GNA12: variants seen among roughly 807,000 people sequenced by gnomAD.
GNA12 encodes G protein subunit alpha 12, also known as guanine nucleotide-binding protein subunit alpha-12.
A neutral mutation model predicts 26.0 loss-of-function variants in GNA12; 9 were observed. The observed-to-expected ratio is 0.35, with a 90% confidence interval of 0.21 to 0.60. GNA12 has a LOEUF of 0.60. Among genes scored for constraint, GNA12 ranks in the 20% least tolerant of loss-of-function variants. GNA12 has a pLI of 0.78. For synonymous variants in GNA12, 264 were observed against 219.6 expected, an observed-to-expected ratio of 1.20 and a Z score of -1.79; for missense variants, 405 against 525.8, an observed-to-expected ratio of 0.77 and a Z score of 2.25.
At chr7:2,773,162 C>T (rs965996707) in intron 2 of GNA12, among the ~76,000 whole-genome samples, 1 of 152,224 alleles carries the variant, frequency 6.6e-6, no homozygotes, top group Non-Finnish European at 1.5e-5. Flanking sequence ...CTGAAATGTT[C>T]TTTCACGTGG....
At position 2,749,629 on chromosome 7, in the gene GNA12, T is replaced by G. The variant is rs192885500; in HGVS notation, c.526-16128A>C. Among the ~76,000 whole-genome samples, 706 of 152,156 alleles carry G rather than the reference T, an allele frequency of 4.6e-3. 8 individuals carry two copies. Among genetic ancestry groups the G allele is most frequent in the African/African-American group, 0.016 (666 of 41,506 alleles). ...ATACATATGTAACAAACCTGCACGTTGTGCACATGTACCCTAGAACTTAAA... is the reference window on the plus strand; with the variant it reads ...ATACATATGTAACAAACCTGCACGTGGTGCACATGTACCCTAGAACTTAAA... On this transcript the variant is annotated intron_variant, in intron 2 of 3. Coordinates refer to ENST00000275364, the MANE Select transcript of GNA12 (RefSeq NM_007353.3).
At chr7:2,830,392 T>G (rs142677596) in intron 1 of GNA12, among the ~76,000 whole-genome samples, 2 of 152,326 alleles carry the variant, frequency 1.3e-5, no homozygotes, top group African/African-American at 4.8e-5. Context: ...GAGTCTGGTT[T>G]TGGGTTTGTA....
At chr7:2,820,361 T>C (rs1284925251) in intron 1 of GNA12, among the ~76,000 whole-genome samples, 3 of 149,876 alleles carry the variant, frequency 2.0e-5, no homozygotes, top group African/African-American at 7.4e-5. Context: ...AGGCTTTAAA[T>C]GAGGGCATGG....
chr7:2,741,541 G>C (rs1253440918), intron 2 of GNA12, among the ~76,000 whole-genome samples: 2 of 152,138 alleles, frequency 1.3e-5, no homozygotes, highest in Non-Finnish European at 1.5e-5. Flanking sequence ...CTTTGTAGTA[G>C]CCAGAACCCA....
At chr7:2,835,272 C>T (rs894090398) in intron 1 of GNA12, among the ~76,000 whole-genome samples, 5 of 152,174 alleles carry the variant, frequency 3.3e-5, no homozygotes, top group African/African-American at 1.2e-4. Context: ...GGCATTATTA[C>T]ACAACTTCGG....
At chr7:2,741,681 C>T (rs541197466) in intron 2 of GNA12, among the ~76,000 whole-genome samples, 2 of 152,012 alleles carry the variant, frequency 1.3e-5, no homozygotes, top group South Asian at 2.1e-4. Context: ...ATCCTTCGCT[C>T]GCTCTCTTTC....
At chr7:2,790,983 A>AG in intron 2 of GNA12, among the ~76,000 whole-genome samples, 1 of 152,174 alleles carries the variant, frequency 6.6e-6, no homozygotes, top group African/African-American at 2.4e-5. Flanking sequence ...TTAAAAAAAA[A>AG]AAAAAAAGGT....
At chr7:2,817,588 G>A (rs1170069454) in intron 1 of GNA12, among the ~76,000 whole-genome samples, 1 of 152,082 alleles carries the variant, frequency 6.6e-6, no homozygotes, top group Non-Finnish European at 1.5e-5. Context: ...CTCATTATTT[G>A]TCCCTAACCT....
chr7:2,743,933 G>A (rs946890991), intron 2 of GNA12, among the ~76,000 whole-genome samples: 1 of 152,088 alleles, frequency 6.6e-6, no homozygotes, highest in South Asian at 2.1e-4. Context: ...TAGCACAGCA[G>A]TCTGAGATCA....
intron 2 of GNA12, among the ~76,000 whole-genome samples, chr7:2,785,336 TTTC>T: frequency 6.6e-6 from 1 of 152,140 alleles, no homozygotes; most frequent in Admixed American, 6.5e-5. Context: ...GTCAGGCAAA[TTTC>T]TTCAAGTCTC....
At chr7:2,814,706 G>A (rs537438459) in intron 1 of GNA12, among the ~76,000 whole-genome samples, 3 of 147,476 alleles carry the variant, frequency 2.0e-5, no homozygotes, top group South Asian at 2.2e-4. Flanking sequence ...ACCAGTCACC[G>A]TCCAGATGTG....
intron 1 of GNA12, among the ~76,000 whole-genome samples, chr7:2,826,161 G>A (rs986878621): frequency 3.9e-5 from 6 of 151,938 alleles, no homozygotes; most frequent in Non-Finnish European, 5.9e-5. Flanking sequence ...GGCAGATCAC[G>A]AGGTCAGGAG....
At chr7:2,835,417 C>T (rs780406373) in intron 1 of GNA12, among the ~76,000 whole-genome samples, 47 of 152,182 alleles carry the variant, frequency 3.1e-4, no homozygotes, top group African/African-American at 4.6e-4. Flanking sequence ...CGGGGGTTGC[C>T]GGTCCCTTTA....
intron 2 of GNA12, among the ~76,000 whole-genome samples, chr7:2,786,236 C>T (rs1248164787): frequency 1.3e-5 from 2 of 152,122 alleles, no homozygotes; most frequent in African/African-American, 4.8e-5. Context: ...TGTAAGATGT[C>T]ATCATTGGGG....
At chr7:2,840,877 AAT>A (rs997789149) in intron 1 of GNA12, among the ~76,000 whole-genome samples, 1 of 152,126 alleles carries the variant, frequency 6.6e-6, no homozygotes, top group Non-Finnish European at 1.5e-5. Context: ...AAAAAAATAA[AAT>A]AGTCTCTTCT....
At chr7:2,799,434 T>G (rs1792755355) in intron 1 of GNA12, among the ~76,000 whole-genome samples, 1 of 151,980 alleles carries the variant, frequency 6.6e-6, no homozygotes, top group Admixed American at 6.6e-5. Flanking sequence ...TCAAACAAAT[T>G]AGGCAGGCAT....
chr7:2,801,181 T>A (rs918908401), intron 1 of GNA12, among the ~76,000 whole-genome samples: 1 of 152,084 alleles, frequency 6.6e-6, no homozygotes, highest in Admixed American at 6.5e-5. Flanking sequence ...CCTCCCGCTA[T>A]CCGGGAAGGC....
At chr7:2,800,452 C>G (rs1369207968) in intron 1 of GNA12, among the ~76,000 whole-genome samples, 1 of 152,158 alleles carries the variant, frequency 6.6e-6, no homozygotes, top group Non-Finnish European at 1.5e-5. Context: ...ACACAGTGTC[C>G]CAAAGCCCGT....
At chr7:2,743,282 C>G (rs1475311290) in intron 2 of GNA12, among the ~76,000 whole-genome samples, 1 of 152,168 alleles carries the variant, frequency 6.6e-6, no homozygotes, top group African/African-American at 2.4e-5. Context: ...AGTTAAATGT[C>G]TGCTAAAGCA....
Sources: allele counts gnomAD v4.1 joint callset (sites outside exome capture counted in the v4.1 genomes callset), GRCh38; gene constraint gnomAD v4.1.1; transcripts MANE v1.5; gene names NCBI Gene and HGNC (gene_info 2026-07-23, HGNC 2026-07-21).